Variants in UMAD1 observed in about 807,000 individuals in gnomAD.
The protein encoded by UMAD1 is UBAP1-MVB12-associated (UMA) domain containing 1.
UMAD1 carries 8 observed loss-of-function variants against 6.1 expected under a neutral mutation model. The ratio of observed to expected loss-of-function variants is 1.30; its 90% CI spans 0.76 to 2.35. UMAD1 has a LOEUF of 2.35. Among genes scored for constraint, UMAD1 ranks in the 30% most tolerant of loss-of-function variants. The pLI is 0.00. For synonymous variants in UMAD1, 56 were observed against 31.4 expected (o/e 1.78, Z -2.61); for missense variants, 130 against 78.4 (o/e 1.66, Z -2.49).
At chr7:7,822,608 A>T (rs1009864801) in intron 3 of UMAD1, among the ~76,000 whole-genome samples, 4 of 152,154 alleles carry the variant, frequency 2.6e-5, no homozygotes, top group Non-Finnish European at 5.9e-5. Context: ...CTCTCAGTTT[A>T]TATCTGTGCC....
At chr7:7,828,581 C>CA (rs1302036866) in intron 3 of UMAD1, among the ~76,000 whole-genome samples, 1 of 152,190 alleles carries the variant, frequency 6.6e-6, no homozygotes, top group African/African-American at 2.4e-5. Flanking sequence ...TCTGTGTGTA[C>CA]ACACGCATGC....
At chr7:7,770,555 A>G (rs987307165) in intron 2 of UMAD1, among the ~76,000 whole-genome samples, 16 of 152,186 alleles carry the variant, frequency 1.1e-4, no homozygotes, top group African/African-American at 3.9e-4. Context: ...GGCAGAAATT[A>G]GAGAGAAAAG....
intron 1 of UMAD1, among the ~76,000 whole-genome samples, chr7:7,650,547 T>C (rs1339095732): frequency 6.6e-6 from 1 of 152,250 alleles, no homozygotes; most frequent in African/African-American, 2.4e-5. Flanking sequence ...TAGTGATGGC[T>C]GCAGGACAGT....
At chr7:7,734,220 G>C in intron 2 of UMAD1, among the ~76,000 whole-genome samples, 1 of 152,070 alleles carries the variant, frequency 6.6e-6, no homozygotes, top group East Asian at 1.9e-4. Flanking sequence ...TGACATCTCA[G>C]AGCTTTGAGC....
At chr7:7,649,158 C>CAAAAAAAAAAAA (rs34943326) in intron 1 of UMAD1, among the ~76,000 whole-genome samples, 19 of 128,862 alleles carry the variant, frequency 1.5e-4, no homozygotes, top group East Asian at 4.6e-4. Flanking sequence ...GACTCCATCT[C>CAAAAAAAAAAAA]AAAAAAAAAA....
rs7784301 is a variant in UMAD1 at position 7,836,348 on chromosome 7, T to C, written c.156+34605T>C. ...TACTAGCTATAAAAGTCTTATGTTA[T>C]AATCTTTGGTTTGCTCAAAATGATC... On this transcript the variant is annotated intron_variant, in intron 3 of 3. Transcript: ENST00000682710. Among the ~76,000 whole-genome samples the C allele has an allele frequency of 2.6e-3, 394 of 152,174 alleles. 3 individuals carry two copies. The highest frequency in any genetic ancestry group is 8.9e-3 in the African/African-American group (371 of 41,580).
At chr7:7,646,296 G>C (rs551940230) in intron 1 of UMAD1, among the ~76,000 whole-genome samples, 4 of 87,904 alleles carry the variant, frequency 4.6e-5, no homozygotes, top group African/African-American at 1.6e-4. Context: ...ATGGTGATAC[G>C]GTTTGGCTGT....
Position 7,645,581 on chromosome 7 carries a change from A to G in UMAD1, c.-64+4760A>G, listed in dbSNP as rs112899915. 1.2e-3 allele frequency among the ~76,000 whole-genome samples: 182 copies of G among 152,248 alleles called. 1 individual carries two copies. The highest frequency in any genetic ancestry group is 0.01 in the Middle Eastern group (3 of 294). On this transcript the variant is annotated intron_variant, in intron 1 of 3. Transcript: ENST00000682710. ...GGAGTATTCCCCGAAGTCCTTCCCA[A>G]CTTGAATTTCTGTTTATTAGATTAA...
intron 2 of UMAD1, among the ~76,000 whole-genome samples, chr7:7,707,840 A>T (rs1563141618): frequency 1.3e-5 from 2 of 152,284 alleles, no homozygotes; most frequent in East Asian, 1.9e-4. Flanking sequence ...GCCTAGCCAG[A>T]TCTTTTAATG....
At chr7:7,778,570 C>A (rs550757695) in intron 2 of UMAD1, among the ~76,000 whole-genome samples, 2 of 152,074 alleles carry the variant, frequency 1.3e-5, no homozygotes, top group African/African-American at 4.8e-5. Context: ...CGTGTGCCAC[C>A]ACAATTGGCT....
At chr7:7,780,084 G>A (rs970925249) in intron 2 of UMAD1, among the ~76,000 whole-genome samples, 2 of 152,148 alleles carry the variant, frequency 1.3e-5, no homozygotes, top group African/African-American at 2.4e-5. Context: ...GGGCATTATT[G>A]TTCTTTTTCT....
At chr7:7,853,766 C>T (rs1158388121) in intron 3 of UMAD1, among the ~76,000 whole-genome samples, 2 of 152,060 alleles carry the variant, frequency 1.3e-5, no homozygotes, top group African/African-American at 4.8e-5. Flanking sequence ...AGTTTTCCTT[C>T]TTCCTTCCTA....
intron 2 of UMAD1, among the ~76,000 whole-genome samples, chr7:7,783,306 A>G (rs1279397511): frequency 6.6e-6 from 1 of 152,120 alleles, no homozygotes; most frequent in African/African-American, 2.4e-5. Flanking sequence ...TTCTCTTATC[A>G]AAATCAAAGG....
chr7:7,799,926 C>T (rs544086082), intron 2 of UMAD1, among the ~76,000 whole-genome samples: 9 of 152,344 alleles, frequency 5.9e-5, no homozygotes, highest in Admixed American at 2.0e-4. Context: ...TGTTGTTCCC[C>T]AGGCTGGAGT....
intron 2 of UMAD1, among the ~76,000 whole-genome samples, chr7:7,714,672 G>A (rs1780848268): frequency 6.6e-6 from 1 of 152,046 alleles, no homozygotes; most frequent in African/African-American, 2.4e-5. Flanking sequence ...ACATAAGAAA[G>A]ACTTAGAACT....
intron 1 of UMAD1, among the ~76,000 whole-genome samples, chr7:7,666,175 G>T (rs1014347392): frequency 6.4e-5 from 9 of 141,626 alleles, no homozygotes; most frequent in Non-Finnish European, 1.1e-4. Context: ...CAACACTTGG[G>T]AAAGTGTTTT....
chr7:7,864,978 G>C (rs1387272935), intron 3 of UMAD1, among the ~76,000 whole-genome samples: 1 of 152,188 alleles, frequency 6.6e-6, no homozygotes, highest in East Asian at 1.9e-4. Context: ...TGAACACATT[G>C]AGGTGCTAGA....
chr7:7,643,502 G>A (rs1372428952), intron 1 of UMAD1, among the ~76,000 whole-genome samples: 1 of 152,192 alleles, frequency 6.6e-6, no homozygotes, highest in Non-Finnish European at 1.5e-5. Flanking sequence ...CCTCAGATCA[G>A]AAGTTCAAGA....
At chr7:7,872,102 T>TAAAAAAA (rs892789283) in intron 3 of UMAD1, among the ~76,000 whole-genome samples, 3 of 140,280 alleles carry the variant, frequency 2.1e-5, no homozygotes, top group African/African-American at 7.9e-5. Context: ...AAATAAAAAA[T>TAAAAAAA]AAAAAAAAAA....
Sources: gnomAD v4.1 joint callset for allele counts (sites outside exome capture counted in the v4.1 genomes callset) on GRCh38, gnomAD v4.1.1 for gene constraint, MANE v1.5 for transcripts, NCBI Gene and HGNC (gene_info 2026-07-23, HGNC 2026-07-21) for gene names.